The following LMBR1 variants were observed in gnomAD, a reference collection of about 807,000 sequenced individuals.
LMBR1 encodes the protein limb region 1 protein homolog.
In LMBR1, 52 loss-of-function variants were observed where a neutral mutation model predicts 73.9. The ratio of observed to expected loss-of-function variants is 0.70; its 90% CI spans 0.56 to 0.89. The LOEUF (loss-of-function observed/expected upper bound fraction) is 0.89, where lower values mean the gene tolerates loss of function less well. Ranked by LOEUF, LMBR1 falls within the 40% of genes least tolerant of loss-of-function variation. The probability of loss-of-function intolerance (pLI) is 0.00; values close to 1 mark genes in which losing one functional copy is unlikely to be tolerated. For missense variants in LMBR1, 539 were observed against 579.8 expected, an observed-to-expected ratio of 0.93 and a Z score of 0.72; for synonymous variants, 215 against 209.4, an observed-to-expected ratio of 1.03 and a Z score of -0.23.
At chr7:156,689,238 T>A (rs1162090334) in intron 15 of LMBR1, among the ~76,000 whole-genome samples, 1 of 152,112 alleles carries the variant, frequency 6.6e-6, no homozygotes, top group African/African-American at 2.4e-5. Flanking sequence ...AATGGGAATG[T>A]CAACATTCTT....
rs1034209452 is a variant in LMBR1 at position 156,670,152 on chromosome 7, T to C, written n.867-865A>G. On this transcript the variant is annotated intron_variant and non_coding_transcript_variant, in intron 4 of 4. Transcript: ENST00000430825. The surrounding 1 kb of genome is among the most constrained non-coding windows in gnomAD (Gnocchi z 4.3). ...AGTTTTAAGTGCAAATATTAGAGCA[T>C]TTAAGTCATACGTGGAATCACCAAA... Among the ~76,000 whole-genome samples, 3 of 152,244 alleles carry C rather than the reference T, an allele frequency of 2.0e-5. No individual in the cohort carries two copies. Among genetic ancestry groups the C allele is most frequent in the South Asian group, 2.1e-4 (1 of 4,828 alleles).
intron 4 of LMBR1, among the ~76,000 whole-genome samples, chr7:156,815,081 G>A (rs1225810261): frequency 6.6e-6 from 1 of 150,578 alleles, no homozygotes; most frequent in Non-Finnish European, 1.5e-5. Flanking sequence ...GCTTGAACCT[G>A]GGAAGAAGAG....
intron 1 of LMBR1, among the ~76,000 whole-genome samples, chr7:156,845,367 A>T (rs1189153635): frequency 6.6e-6 from 1 of 152,126 alleles, no homozygotes; most frequent in Non-Finnish European, 1.5e-5. Flanking sequence ...AAAATAATTA[A>T]AATTAAAAAT....
At chr7:156,848,750 G>C (rs969014141) in intron 1 of LMBR1, among the ~76,000 whole-genome samples, 9 of 152,044 alleles carry the variant, frequency 5.9e-5, no homozygotes, top group African/African-American at 2.4e-5. Context: ...TGGGATCATG[G>C]TGAAACCCCG....
intron 15 of LMBR1, among the ~76,000 whole-genome samples, chr7:156,702,373 C>T (rs537062662): frequency 3.2e-4 from 49 of 152,286 alleles, no homozygotes; most frequent in African/African-American, 1.2e-3. Flanking sequence ...CTCTAATGCT[C>T]AGTGATGTTG....
intron 9 of LMBR1, among the ~76,000 whole-genome samples, chr7:156,751,552 T>TC (rs1563276276): frequency 6.6e-6 from 1 of 152,116 alleles, no homozygotes; most frequent in Non-Finnish European, 1.5e-5. Flanking sequence ...TCAGAGACTC[T>TC]CTCTGACTCA....
chr7:156,733,941 C>A (rs942340270), intron 10 of LMBR1: 15 of 323,714 alleles, frequency 4.6e-5, no homozygotes, highest in African/African-American at 2.6e-4. Flanking sequence ...GGAGCAACAT[C>A]TTTGAACCTG....
chr7:156,800,482 C>CAAAAAAAAAAAAAAAAAAAAAAA (rs1245017996), intron 4 of LMBR1, among the ~76,000 whole-genome samples: 7 of 81,032 alleles, frequency 8.6e-5, no homozygotes, highest in African/African-American at 1.5e-4. Flanking sequence ...ACTTGCTACT[C>CAAAAAAAAAAAAAAAAAAAAAAA]AAAAAAAAAA....
rs192554267 is a variant in LMBR1 at position 156,865,629 on chromosome 7, T to C, written c.66+27299A>G. ...CAAATCCAGAAAAATCAGACAACTGTGGAAAAAAAGAGCAAAGCTGGAGGA... is the reference window on the plus strand; with the variant it reads ...CAAATCCAGAAAAATCAGACAACTGCGGAAAAAAAGAGCAAAGCTGGAGGA... On this transcript the variant is annotated intron_variant, in intron 1 of 16. Coordinates refer to ENST00000353442, the MANE Select transcript of LMBR1 (RefSeq NM_022458.4). Among the ~76,000 whole-genome samples, 147 of 152,180 alleles carry C rather than the reference T, an allele frequency of 9.7e-4. 1 individual carries two copies. Among genetic ancestry groups the C allele is most frequent in the Non-Finnish European group, 1.8e-3 (124 of 67,994 alleles).
intron 10 of LMBR1, among the ~76,000 whole-genome samples, chr7:156,729,134 A>G (rs1366966709): frequency 6.6e-6 from 1 of 152,148 alleles, no homozygotes; most frequent in African/African-American, 2.4e-5. Context: ...ACGAACTACG[A>G]TACCCAGACA....
chr7:156,789,385 T>C lies in LMBR1; in HGVS notation c.423+7004A>G, dbSNP rs562537868. Among the ~76,000 whole-genome samples, 116 of 152,352 alleles carry C rather than the reference T, an allele frequency of 7.6e-4. No individual in the cohort carries two copies. The highest frequency in any genetic ancestry group is 2.7e-3 in the African/African-American group (112 of 41,588). ...ACCAATAAATATTTAAGTCGTATCA[T>C]GTTAGTGACTTAAGTTTTAAAGAAA... On this transcript the variant is annotated intron_variant, in intron 5 of 16. Coordinates refer to ENST00000353442, the MANE Select transcript of LMBR1 (RefSeq NM_022458.4).
intron 3 of LMBR1, 121 bp from the exon 4 acceptor site, chr7:156,826,865 T>C: frequency 3.3e-6 from 3 of 915,936 alleles, no homozygotes; most frequent in Non-Finnish European, 4.8e-6. Flanking sequence ...AAGAACTTTA[T>C]TAAATATATG....
At chr7:156,849,076 A>T (rs1795901512) in intron 1 of LMBR1, among the ~76,000 whole-genome samples, 1 of 152,168 alleles carries the variant, frequency 6.6e-6, no homozygotes, top group Non-Finnish European at 1.5e-5. Flanking sequence ...TCAGAGCACT[A>T]TTCACAATAG....
At chr7:156,860,665 A>G (rs1408429418) in intron 1 of LMBR1, among the ~76,000 whole-genome samples, 10 of 152,372 alleles carry the variant, frequency 6.6e-5, no homozygotes, top group Non-Finnish European at 1.3e-4. Context: ...AGCCTGTAAA[A>G]TCAAAAGCAA....
downstream of LMBR1, chr7:156,675,677 G>GCCC: frequency 5.7e-6 from 8 of 1,391,966 alleles, no homozygotes; most frequent in Non-Finnish European, 8.1e-6. Flanking sequence ...GAGCTTACCC[G>GCCC]CCCCCGCCTC....
At chr7:156,815,473 T>G (rs1833776538) in intron 4 of LMBR1, among the ~76,000 whole-genome samples, 1 of 152,218 alleles carries the variant, frequency 6.6e-6, no homozygotes. Flanking sequence ...GTCTGGATAT[T>G]CTAAGTTTTC....
At position 156,804,814 on chromosome 7, in the gene LMBR1, T is replaced by C. The variant is rs565161807; in HGVS notation, c.320-8322A>G. On this transcript the variant is annotated intron_variant, in intron 4 of 16. Transcript: ENST00000353442. ...TAGACTCTCTTTATTCTCTTAACAGTATCTTTAAAGAACAAAATTTATTAG... is the reference window on the plus strand; with the variant it reads ...TAGACTCTCTTTATTCTCTTAACAGCATCTTTAAAGAACAAAATTTATTAG... Among the ~76,000 whole-genome samples the C allele has an allele frequency of 5.0e-5, 6 of 121,046 alleles. No homozygotes were observed. The East Asian group carries it at 1.9e-3, about 38-fold the overall frequency. 79.4% of individuals were successfully genotyped at this position (121,046 alleles called of 152,430 possible).
intron 15 of LMBR1, among the ~76,000 whole-genome samples, chr7:156,705,221 T>C (rs952974879): frequency 6.6e-6 from 1 of 152,256 alleles, no homozygotes; most frequent in East Asian, 1.9e-4. Flanking sequence ...AGAAATCTTA[T>C]AGGCCAGAAA....
At chr7:156,728,379 G>A (rs1816185832) in intron 11 of LMBR1, among the ~76,000 whole-genome samples, 2 of 152,060 alleles carry the variant, frequency 1.3e-5, no homozygotes, top group Non-Finnish European at 2.9e-5. Context: ...GCAACACCTT[G>A]TTTTCTTAAT....
Sources: gnomAD v4.1 joint callset for allele counts (sites outside exome capture counted in the v4.1 genomes callset) on GRCh38, gnomAD v4.1.1 for gene constraint, Gnocchi (gnomAD v3.1) non-coding constraint, MANE v1.5 for transcripts, NCBI Gene and HGNC (gene_info 2026-07-23, HGNC 2026-07-21) for gene names.